The following DACH2 variants were observed in gnomAD, a reference collection of about 807,000 sequenced individuals.
DACH2 encodes dachshund homolog 2.
Under a neutral mutation model 35.8 loss-of-function variants are expected in DACH2, and 17 were observed. The ratio of observed to expected loss-of-function variants is 0.48; its 90% CI spans 0.33 to 0.71. The LOEUF is 0.71. Among genes scored for constraint, DACH2 ranks in the 30% least tolerant of loss-of-function variants. The pLI is 0.02. For synonymous variants in DACH2, 195 were observed against 177.3 expected (o/e 1.10, Z -0.79); for missense variants, 469 against 472.7 (o/e 0.99, Z 0.07).
At chrX:86,637,241 A>AAAAAAC (rs2040281765) in intron 3 of DACH2, among the ~76,000 whole-genome samples, 2 of 77,926 alleles carry the variant, frequency 2.6e-5, no homozygotes, top group Admixed American at 1.4e-4. Flanking sequence ...AAAAAAAAAA[A>AAAAAAC]AAAAACAGAT....
intron 4 of DACH2, among the ~76,000 whole-genome samples, chrX:86,675,756 TC>T (rs1405451926): frequency 3.6e-5 from 4 of 111,522 alleles, no homozygotes; most frequent in African/African-American, 1.3e-4. Context: ...AGTTTTTTTT[TC>T]TTTTTTTACT....
intron 2 of DACH2, among the ~76,000 whole-genome samples, chrX:86,390,131 AT>A (rs1313055838): frequency 9.0e-6 from 1 of 111,628 alleles, no homozygotes; most frequent in Non-Finnish European, 1.9e-5. Flanking sequence ...GGGTGGAAGC[AT>A]TGTCGAGATT....
At chrX:86,676,130 T>C (rs1010013255) in intron 4 of DACH2, among the ~76,000 whole-genome samples, 2 of 111,827 alleles carry the variant, frequency 1.8e-5, no homozygotes, top group Non-Finnish European at 3.8e-5. Flanking sequence ...AAATAAGTAA[T>C]AACCTAAGAC....
chrX:86,595,357 C>G (rs1429049483), intron 3 of DACH2, among the ~76,000 whole-genome samples: 1 of 111,429 alleles, frequency 9.0e-6, no homozygotes, highest in African/African-American at 3.3e-5. Flanking sequence ...AAGTGATCCT[C>G]CCACCTCAGG....
rs755502613 is a variant in DACH2, at chrX:86,329,324, A to G, written c.489-47500A>G. Among the ~76,000 whole-genome samples the G allele has an allele frequency of 8.1e-5, 9 of 111,675 alleles. No homozygotes were observed. The South Asian group carries it at 3.4e-3, about 42-fold the overall frequency. ...CAGCTGAATAGGCTTTTCAGTCTCC[A>G]AGGAGGTGACTTGTCTGTTGATGGC... On this transcript the variant is annotated intron_variant, in intron 1 of 11. Coordinates refer to ENST00000373125, the MANE Select transcript of DACH2 (RefSeq NM_053281.3).
intron 7 of DACH2, among the ~76,000 whole-genome samples, chrX:86,754,025 C>T (rs143418059): frequency 0.066 from 7,231 of 110,353 alleles, 570 homozygotes; most frequent in African/African-American, 0.23. Context: ...GATTTAGATC[C>T]GTAACTATTC....
intron 2 of DACH2, among the ~76,000 whole-genome samples, chrX:86,505,707 G>T (rs781247379): frequency 1.8e-5 from 2 of 111,830 alleles, no homozygotes; most frequent in East Asian, 5.6e-4. Flanking sequence ...TGGAGAAAAT[G>T]CTATGGCATT....
intron 2 of DACH2, among the ~76,000 whole-genome samples, chrX:86,497,406 A>G (rs1438030541): frequency 8.9e-6 from 1 of 112,044 alleles, no homozygotes; most frequent in Non-Finnish European, 1.9e-5. Context: ...ACTAAATGGC[A>G]CAGTATCATG....
chrX:86,404,214 A>T (rs1349250480), intron 2 of DACH2, among the ~76,000 whole-genome samples: 1 of 110,858 alleles, frequency 9.0e-6, no homozygotes, highest in Non-Finnish European at 1.9e-5. Flanking sequence ...AAACACAATC[A>T]TGCCCTTCCA....
At chrX:86,699,830 A>G (rs2041118784) in intron 5 of DACH2, among the ~76,000 whole-genome samples, 1 of 111,720 alleles carries the variant, frequency 9.0e-6, no homozygotes, top group Admixed American at 9.6e-5. Flanking sequence ...TATTTTATGT[A>G]GGCATATAAT....
In DACH2 at chrX:86,228,671, A is replaced by G. The variant is rs754101806; in HGVS notation, c.488+79563A>G. Among the ~76,000 whole-genome samples, 231 of 110,479 alleles carry G rather than the reference A, an allele frequency of 2.1e-3. 1 individual carries two copies. Among genetic ancestry groups the G allele is most frequent in the Non-Finnish European group, 3.8e-3 (200 of 52,663 alleles). On this transcript the variant is annotated intron_variant, in intron 1 of 11. Transcript: ENST00000373125. Reference sequence around the variant, plus strand: ...TATGGCCATTCTTACAGGAGTAAGGAGGTATTATATTGTGGTTTTGATTTG... The same window carrying G: ...TATGGCCATTCTTACAGGAGTAAGGGGGTATTATATTGTGGTTTTGATTTG...
At chrX:86,815,310 A>G (rs1286618724) in intron 10 of DACH2, among the ~76,000 whole-genome samples, 1 of 111,287 alleles carries the variant, frequency 9.0e-6, no homozygotes, top group Non-Finnish European at 1.9e-5. Flanking sequence ...CTGTAAATGG[A>G]GATGCTTGAA....
At position 86,680,329 on chromosome X, in the gene DACH2, T is replaced by C. The variant is rs778277652; in HGVS notation, c.773-14692T>C. On this transcript the variant is annotated intron_variant, in intron 4 of 11. Coordinates refer to ENST00000373125, the MANE Select transcript of DACH2 (RefSeq NM_053281.3). ...TCATATTTTGTAAACATCCATCTAT[T>C]GTGTGCAGGTAGTGAAAACTGCAGC... Among the ~76,000 whole-genome samples, 4 of 112,189 alleles carry C rather than the reference T, an allele frequency of 3.6e-5. No individual in the cohort carries two copies. In the East Asian group the frequency reaches 1.1e-3, roughly 31 times the overall value.
intron 2 of DACH2, among the ~76,000 whole-genome samples, chrX:86,414,948 C>A (rs1274057525): frequency 9.0e-6 from 1 of 111,290 alleles, no homozygotes; most frequent in Non-Finnish European, 1.9e-5. Flanking sequence ...AAATGTTAAT[C>A]CTTCTTTGGC....
At chrX:86,733,805 G>A (rs748351371) in intron 6 of DACH2, among the ~76,000 whole-genome samples, 4 of 111,217 alleles carry the variant, frequency 3.6e-5, no homozygotes, top group Non-Finnish European at 7.6e-5. Flanking sequence ...ATGGTCACAC[G>A]GCAGTGGCAT....
At chrX:86,731,945 A>G (rs771799067) in intron 6 of DACH2, among the ~76,000 whole-genome samples, 26 of 112,528 alleles carry the variant, frequency 2.3e-4, no homozygotes, top group African/African-American at 8.4e-4. Flanking sequence ...ACTGCCCGTA[A>G]TGGTAGCCAC....
rs760353187 is a variant in DACH2, at chrX:86,289,231, G to A, written c.489-87593G>A. 6.6e-5 allele frequency among the ~76,000 whole-genome samples: 7 copies of A among 106,479 alleles called. No individual in the cohort carries two copies. The South Asian group carries it at 3.1e-3, about 47-fold the overall frequency. The allele number at this position is 106,479 out of a possible 115,157, so 92.5% of individuals were successfully genotyped here. A position where few individuals can be genotyped will look rare whatever the true frequency, so the allele number is the denominator to read the frequency against. On this transcript the variant is annotated intron_variant, in intron 1 of 11. Coordinates refer to ENST00000373125, the MANE Select transcript of DACH2 (RefSeq NM_053281.3). Reference sequence around the variant, plus strand: ...TCATGACTGACCAGTGCCCTATTCTGCTGTGGCTGAGCTGGTATTCAAGAT... The same window carrying A: ...TCATGACTGACCAGTGCCCTATTCTACTGTGGCTGAGCTGGTATTCAAGAT...
intron 7 of DACH2, among the ~76,000 whole-genome samples, chrX:86,782,520 A>C (rs1398814414): frequency 8.9e-6 from 1 of 111,737 alleles, no homozygotes; most frequent in Non-Finnish European, 1.9e-5. Flanking sequence ...ACAGAGCTAT[A>C]GTGTCCAAAA....
At chrX:86,534,963 G>A (rs2038776344) in intron 3 of DACH2, among the ~76,000 whole-genome samples, 2 of 111,200 alleles carry the variant, frequency 1.8e-5, no homozygotes, top group African/African-American at 6.5e-5. Flanking sequence ...AACTAAATTT[G>A]AAACAAAGTT....
Sources: gnomAD v4.1 joint callset for allele counts (sites outside exome capture counted in the v4.1 genomes callset) on GRCh38, gnomAD v4.1.1 for gene constraint, MANE v1.5 for transcripts, NCBI Gene and HGNC (gene_info 2026-07-23, HGNC 2026-07-21) for gene names.